The following GABPB2 variants were observed in gnomAD, a reference collection of about 807,000 sequenced individuals.
GABPB2 encodes GA-binding protein subunit beta-2.
Under a neutral mutation model 39.1 loss-of-function variants are expected in GABPB2, and 23 were observed. That is an observed-to-expected ratio of 0.59 (90% CI 0.42 to 0.83). The LOEUF (loss-of-function observed/expected upper bound fraction) is 0.83, where lower values mean the gene tolerates loss of function less well. GABPB2 is among the 40% of genes least tolerant of loss of function. The pLI, the probability that GABPB2 is intolerant of heterozygous loss-of-function variation, is 0.00. For synonymous variants in GABPB2, 184 were observed against 199.3 expected (o/e 0.92, Z 0.65); for missense variants, 467 against 541.1 (o/e 0.86, Z 1.36).
At chr1:151,071,402 A>G (rs1354178679) in intron 1 of GABPB2, among the ~76,000 whole-genome samples, 2 of 148,618 alleles carry the variant, frequency 1.3e-5, no homozygotes, top group African/African-American at 5.0e-5. Flanking sequence ...TTACTAGTGA[A>G]CTCGGTAATC....
At chr1:151,115,488 C>T (rs189427497) in intron 7 of GABPB2, among the ~76,000 whole-genome samples, 5 of 150,346 alleles carry the variant, frequency 3.3e-5, no homozygotes, top group South Asian at 4.2e-4. Context: ...GCAACCTCCG[C>T]ATACCAGGTT....
intron 1 of GABPB2, among the ~76,000 whole-genome samples, chr1:151,083,898 G>T (rs1236021265): frequency 1.3e-5 from 2 of 150,340 alleles, no homozygotes; most frequent in South Asian, 2.1e-4. Context: ...CCGCCACCAT[G>T]CCCGGCTAAT....
At chr1:151,091,033 C>CAA (rs112572180) in intron 3 of GABPB2, among the ~76,000 whole-genome samples, 3 of 144,070 alleles carry the variant, frequency 2.1e-5, no homozygotes, top group African/African-American at 7.8e-5. Context: ...AACAAAAAAA[C>CAA]AAAAAAAAAA....
intron 5 of GABPB2, among the ~76,000 whole-genome samples, chr1:151,100,371 C>T (rs1299383264): frequency 4.6e-5 from 7 of 151,556 alleles, no homozygotes; most frequent in Non-Finnish European, 8.8e-5. Context: ...TCTCGAACTC[C>T]TGAGCTTGTG....
At chr1:151,071,169 C>T (rs947502171) in intron 1 of GABPB2, among the ~76,000 whole-genome samples, 7 of 151,912 alleles carry the variant, frequency 4.6e-5, no homozygotes, top group South Asian at 2.1e-4. Context: ...GGTGTAAGAC[C>T]TGGGGCTGGG....
At chr1:151,111,060 G>A (rs587765280) in intron 7 of GABPB2, among the ~76,000 whole-genome samples, 2 of 152,102 alleles carry the variant, frequency 1.3e-5, no homozygotes. Context: ...CGGGAGGAGC[G>A]CTTGAGGTCG....
intron 2 of GABPB2, chr1:151,088,512 TGTAAG>T: frequency 8.3e-7 from 1 of 1,208,978 alleles, no homozygotes; most frequent in African/African-American, 1.5e-5. Context: ...AGGTGATAAT[TGTAAG>T]GTATTATATA....
chr1:151,090,280 G>C (rs1334026111), intron 2 of GABPB2, 126 bp from the exon 3 acceptor site: 3 of 925,294 alleles, frequency 3.2e-6, no homozygotes, highest in Non-Finnish European at 4.8e-6. Flanking sequence ...CATTTTTTCA[G>C]TTTTATCTGC....
intron 2 of GABPB2, among the ~76,000 whole-genome samples, chr1:151,088,749 C>G (rs1480471040): frequency 6.6e-6 from 1 of 152,182 alleles, no homozygotes; most frequent in Non-Finnish European, 1.5e-5. Context: ...GCCTGTAATC[C>G]CAGCACTTTG....
At chr1:151,103,223 G>A (rs761648766) in intron 5 of GABPB2, among the ~76,000 whole-genome samples, 57 of 151,322 alleles carry the variant, frequency 3.8e-4, no homozygotes, top group Non-Finnish European at 6.8e-4. Flanking sequence ...CTAATTTTTT[G>A]TATTTTTAGT....
intron 7 of GABPB2, among the ~76,000 whole-genome samples, chr1:151,110,752 T>C (rs1035448564): frequency 6.6e-6 from 1 of 152,172 alleles, no homozygotes; most frequent in African/African-American, 2.4e-5. Context: ...TGAGCCACTG[T>C]GCTCAGCCTA....
At chr1:151,072,943 A>G (rs12134957) in intron 1 of GABPB2, 88,627 of 152,120 alleles carry the variant, frequency 0.58, 29,317 homozygotes, top group East Asian at 0.89. Flanking sequence ...TTTTAGTTTT[A>G]CTTTTAGAGA....
At chr1:151,109,443 C>T (rs1189309075) in intron 7 of GABPB2, among the ~76,000 whole-genome samples, 1 of 149,956 alleles carries the variant, frequency 6.7e-6, no homozygotes, top group Admixed American at 6.7e-5. Flanking sequence ...ACTGCAACCT[C>T]CACCTCCTGG....
At chr1:151,115,391 C>T (rs1317403314) in intron 7 of GABPB2, among the ~76,000 whole-genome samples, 1 of 134,402 alleles carries the variant, frequency 7.4e-6, no homozygotes, top group Admixed American at 8.6e-5. Context: ...AAGAAACTGG[C>T]AAACTATTTT....
chr1:151,095,927 GGTGA>G (rs1272678430), intron 4 of GABPB2, among the ~76,000 whole-genome samples: 1 of 151,892 alleles, frequency 6.6e-6, no homozygotes, highest in African/African-American at 2.4e-5. Context: ...CAGCTACTTG[GGTGA>G]TGGAGGCAGG....
At chr1:151,097,435 G>T (rs1679177868) in intron 4 of GABPB2, among the ~76,000 whole-genome samples, 1 of 152,074 alleles carries the variant, frequency 6.6e-6, no homozygotes, top group Non-Finnish European at 1.5e-5. Context: ...AATTGATAGA[G>T]CATTGGGATG....
chr1:151,113,446 G>T (rs927372380), intron 7 of GABPB2, among the ~76,000 whole-genome samples: 2 of 141,392 alleles, frequency 1.4e-5, no homozygotes, highest in Non-Finnish European at 3.0e-5. Context: ...TCCAACCTGG[G>T]CAACAGAGGG....
At chr1:151,110,610 G>A (rs1470082055) in intron 7 of GABPB2, among the ~76,000 whole-genome samples, 1 of 151,942 alleles carries the variant, frequency 6.6e-6, no homozygotes, top group Non-Finnish European at 1.5e-5. Context: ...ACAGGTGCAA[G>A]CCACCACACC....
At chr1:151,105,440 T>C (rs1679887382) in intron 6 of GABPB2, among the ~76,000 whole-genome samples, 1 of 148,534 alleles carries the variant, frequency 6.7e-6, no homozygotes. Context: ...ATATATCAAA[T>C]ATATATACAA....
Sources: gnomAD v4.1 joint callset for allele counts (sites outside exome capture counted in the v4.1 genomes callset) on GRCh38, gnomAD v4.1.1 for gene constraint, MANE v1.5 for transcripts, NCBI Gene and HGNC (gene_info 2026-07-23, HGNC 2026-07-21) for gene names.